The following GRM5 variants were observed in gnomAD, a reference collection of about 807,000 sequenced individuals.
GRM5 encodes the protein metabotropic glutamate receptor 5.
GRM5 carries 19 observed loss-of-function variants against 83.1 expected under a neutral mutation model. The observed-to-expected ratio is 0.23, with a 90% CI of 0.16 to 0.34. GRM5 has a LOEUF of 0.34. Ranked by LOEUF, GRM5 falls within the 10% of genes least tolerant of loss-of-function variation. GRM5 has a pLI of 1.00. For synonymous variants in GRM5, 675 were observed against 633.6 expected, an observed-to-expected ratio of 1.07 and a Z score of -0.98; for missense variants, 1,160 against 1,588.3, an observed-to-expected ratio of 0.73 and a Z score of 4.58.
chr11:89,050,917 A>G (rs976571794), intron 1 of GRM5, among the ~76,000 whole-genome samples: 34 of 152,258 alleles, frequency 2.2e-4, no homozygotes, highest in African/African-American at 7.9e-4. Flanking sequence ...GAACACATGT[A>G]TACATAGTGG....
chr11:88,825,761 A>G (rs981101380), intron 3 of GRM5, among the ~76,000 whole-genome samples: 44 of 152,232 alleles, frequency 2.9e-4, no homozygotes, highest in Non-Finnish European at 1.8e-4. Flanking sequence ...AAGAGAGATT[A>G]TCACTGTTTG....
chr11:88,615,981 A>T (rs1471740658), intron 4 of GRM5, among the ~76,000 whole-genome samples: 1 of 152,138 alleles, frequency 6.6e-6, no homozygotes, highest in Non-Finnish European at 1.5e-5. Flanking sequence ...AAGAGCACAG[A>T]TTCTGGAAGT....
intron 7 of GRM5, 51 bp from the exon 8 acceptor site, chr11:88,568,043 G>A: frequency 8.3e-7 from 1 of 1,202,638 alleles, no homozygotes; most frequent in Non-Finnish European, 1.2e-6. Context: ...GTTGACTTGG[G>A]TCACATATCC....
At chr11:88,703,307 T>C (rs1941078258) in intron 3 of GRM5, among the ~76,000 whole-genome samples, 1 of 152,094 alleles carries the variant, frequency 6.6e-6, no homozygotes, top group African/African-American at 2.4e-5. Flanking sequence ...TCCTATTTAT[T>C]TTACTATACT....
At chr11:88,560,325 T>C (rs896829659) in intron 8 of GRM5, among the ~76,000 whole-genome samples, 1 of 152,134 alleles carries the variant, frequency 6.6e-6, no homozygotes, top group Non-Finnish European at 1.5e-5. Flanking sequence ...CTTCTACCTT[T>C]GGGTCCTTCT....
At chr11:89,044,865 G>T (rs1453919279) in intron 2 of GRM5, among the ~76,000 whole-genome samples, 7 of 146,206 alleles carry the variant, frequency 4.8e-5, no homozygotes, top group Non-Finnish European at 1.0e-4. Flanking sequence ...AAAAAAAAAA[G>T]CATGACCTTA....
At chr11:88,942,494 T>G (rs1938147430) in intron 2 of GRM5, among the ~76,000 whole-genome samples, 1 of 152,036 alleles carries the variant, frequency 6.6e-6, no homozygotes, top group African/African-American at 2.4e-5. Flanking sequence ...GGCATGAAAA[T>G]TGCAGTGGGG....
intron 3 of GRM5, among the ~76,000 whole-genome samples, chr11:88,834,065 T>A (rs930082483): frequency 9.9e-5 from 15 of 152,174 alleles, no homozygotes; most frequent in African/African-American, 3.6e-4. Context: ...GAGTAGACTA[T>A]CATTAACAAA....
chr11:88,819,506 T>TA (rs1274672296), intron 3 of GRM5, among the ~76,000 whole-genome samples: 1 of 152,232 alleles, frequency 6.6e-6, no homozygotes, highest in Admixed American at 6.5e-5. Flanking sequence ...GATATCTTGC[T>TA]AAGTTTGTTA....
At chr11:89,015,732 T>G (rs1940836408) in intron 2 of GRM5, among the ~76,000 whole-genome samples, 1 of 152,212 alleles carries the variant, frequency 6.6e-6, no homozygotes, top group Admixed American at 6.5e-5. Context: ...TTAGAAAAGC[T>G]TCCCAAATGG....
chr11:88,799,348 T>C (rs917964406), intron 3 of GRM5, among the ~76,000 whole-genome samples: 1 of 152,080 alleles, frequency 6.6e-6, no homozygotes, highest in Admixed American at 6.6e-5. Flanking sequence ...ATAGTTAAGT[T>C]AGGGACTATA....
chr11:88,816,653 A>G (rs893233101), intron 3 of GRM5, among the ~76,000 whole-genome samples: 2 of 151,592 alleles, frequency 1.3e-5, no homozygotes, highest in African/African-American at 4.8e-5. Context: ...ATGAAAGAGA[A>G]CACAGAAAAA....
chr11:88,935,167 G>A (rs1937850493), intron 2 of GRM5, among the ~76,000 whole-genome samples: 4 of 151,946 alleles, frequency 2.6e-5, no homozygotes, highest in Non-Finnish European at 5.9e-5. Context: ...CAACAAAGCT[G>A]AGATTTTTAG....
chr11:88,644,868 GT>G (rs1939396449), intron 4 of GRM5, among the ~76,000 whole-genome samples: 1 of 152,078 alleles, frequency 6.6e-6, no homozygotes, highest in Admixed American at 6.6e-5. Context: ...GAGTGGGAGT[GT>G]GTACAGGAGA....
chr11:88,542,608 C>T (rs1226623386), intron 8 of GRM5, among the ~76,000 whole-genome samples: 2 of 152,108 alleles, frequency 1.3e-5, no homozygotes, highest in African/African-American at 4.8e-5. Context: ...TATACTTAAA[C>T]ATATATTGTG....
chr11:88,705,682 T>C (rs1175626521), intron 3 of GRM5, among the ~76,000 whole-genome samples: 1 of 151,698 alleles, frequency 6.6e-6, no homozygotes, highest in Non-Finnish European at 1.5e-5. Context: ...TTTCTGCTAA[T>C]CTCATATATA....
At chr11:88,763,351 G>T (rs1322890043) in intron 3 of GRM5, among the ~76,000 whole-genome samples, 2 of 151,446 alleles carry the variant, frequency 1.3e-5, no homozygotes, top group East Asian at 1.9e-4. Flanking sequence ...TGTCACTGAA[G>T]GTAAATATGT....
chr11:88,570,425 A>G (rs1942963150), intron 7 of GRM5, among the ~76,000 whole-genome samples: 1 of 151,004 alleles, frequency 6.6e-6, no homozygotes, highest in African/African-American at 2.4e-5. Context: ...CTAGTCATCT[A>G]CGTTCCCATG....
Position 88,555,217 on chromosome 11 carries a change from A to G in GRM5, c.2630+11836T>C, listed in dbSNP as rs538728917. On this transcript the variant is annotated intron_variant, in intron 8 of 9. Coordinates refer to ENST00000305447, the MANE Select transcript of GRM5 (RefSeq NM_001143831.3). ...TAGAATATGTAAGTCCATTGTTCTC[A>G]AAGTGAATCTATGTTGTGATTCCTA... 6.6e-5 allele frequency among the ~76,000 whole-genome samples: 10 copies of G among 152,272 alleles called. No individual in the cohort carries two copies. In the South Asian group the frequency reaches 1.2e-3, roughly 19 times the overall value.
Sources: allele counts gnomAD v4.1 joint callset (sites outside exome capture counted in the v4.1 genomes callset), GRCh38; gene constraint gnomAD v4.1.1; transcripts MANE v1.5; gene names NCBI Gene and HGNC (gene_info 2026-07-23, HGNC 2026-07-21).